The following RAPGEF1 variants were observed in gnomAD, a reference collection of about 807,000 sequenced individuals.
The protein encoded by RAPGEF1 is Rap guanine nucleotide exchange factor 1.
RAPGEF1 carries 33 observed loss-of-function variants against 143.3 expected under a neutral mutation model. The ratio of observed to expected loss-of-function variants is 0.23; its 90% CI spans 0.17 to 0.31. The LOEUF (loss-of-function observed/expected upper bound fraction) is 0.31, where lower values mean the gene tolerates loss of function less well. RAPGEF1 is among the 10% of genes least tolerant of loss of function. The probability of loss-of-function intolerance (pLI) is 1.00; values close to 1 mark genes in which losing one functional copy is unlikely to be tolerated. For synonymous variants in RAPGEF1, 629 were observed against 676.5 expected (o/e 0.93, Z 1.09); for missense variants, 1,199 against 1,645.4 (o/e 0.73, Z 4.69).
intron 3 of RAPGEF1, among the ~76,000 whole-genome samples, chr9:131,648,964 G>A (rs1355863901): frequency 6.6e-6 from 1 of 152,118 alleles, no homozygotes; most frequent in East Asian, 1.9e-4. Context: ...TTATACTTTG[G>A]ATAATCACTA....
At chr9:131,682,679 G>A (rs572922602) in intron 1 of RAPGEF1, among the ~76,000 whole-genome samples, 1 of 152,198 alleles carries the variant, frequency 6.6e-6, no homozygotes, top group East Asian at 1.9e-4. Context: ...GGGGGAATGG[G>A]GAAAAGTGAA....
intron 1 of RAPGEF1, among the ~76,000 whole-genome samples, chr9:131,680,670 G>A (rs1007414106): frequency 5.3e-5 from 8 of 152,174 alleles, no homozygotes; most frequent in Non-Finnish European, 1.2e-4. Context: ...TTTCCCATAA[G>A]GGATACCTTT....
intron 1 of RAPGEF1, among the ~76,000 whole-genome samples, chr9:131,734,128 G>C (rs1161606474): frequency 6.6e-6 from 1 of 152,066 alleles, no homozygotes; most frequent in Non-Finnish European, 1.5e-5. Context: ...TCAGAAAAGA[G>C]ATTGAGAAGC....
chr9:131,629,296 G>A (rs1964200280), intron 6 of RAPGEF1, 42 bp from the exon 7 acceptor site: 3 of 1,579,628 alleles, frequency 1.9e-6, no homozygotes, highest in East Asian at 2.2e-5. Context: ...AAGGTCAAAG[G>A]CGGGACAGAG....
rs374381330 is a variant in RAPGEF1 at position 131,709,730 on chromosome 9, C to T, written c.61+30040G>A. On this transcript the variant is annotated intron_variant, in intron 1 of 26. Coordinates refer to ENST00000683357, the MANE Select transcript of RAPGEF1 (RefSeq NM_001377935.1). The stretch of plus-strand genomic sequence containing the variant: ...GCCCTTCCCAGCCCCAGCGTCTTTC[C>T]GGAGCAGCAACTGAGGACCGAGTCA... 8.1e-5 allele frequency: 131 copies of T among 1,612,960 alleles called. No homozygotes were observed. In the African/African-American group the frequency reaches 1.0e-3, roughly 12 times the overall value.
chr9:131,603,255 G>A (rs1260737039), intron 14 of RAPGEF1, among the ~76,000 whole-genome samples: 3 of 152,224 alleles, frequency 2.0e-5, no homozygotes, highest in African/African-American at 7.2e-5. Context: ...GCCCTCATGG[G>A]CCTCCCTTCA....
intron 1 of RAPGEF1, among the ~76,000 whole-genome samples, chr9:131,669,928 C>G (rs1047038484): frequency 6.6e-6 from 1 of 152,082 alleles, no homozygotes; most frequent in East Asian, 1.9e-4. Flanking sequence ...AAGGCCCTGC[C>G]CACGTGGAGC....
intron 12 of RAPGEF1, among the ~76,000 whole-genome samples, chr9:131,608,898 C>T (rs547323151): frequency 2.0e-5 from 3 of 152,206 alleles, no homozygotes; most frequent in African/African-American, 2.4e-5. Context: ...AAAGGCAGGG[C>T]GGGCCATTCC....
chr9:131,650,208 G>A lies in RAPGEF1; in HGVS notation c.236C>T (p.Pro79Leu), dbSNP rs1408632806. The change falls in exon 3 of 27, where the codon CCT becomes CTT. Residue 79 changes from proline to leucine, a missense_variant. By Grantham distance (98) the Pro-to-Leu change is moderately conservative. Transcript: ENST00000683357. This position sits in a 1 kb window ranked among gnomAD's most constrained non-coding sequence, Gnocchi z 4.7. ...ATDRFLPEGY[P>L]LPLDLEQQAV... is the part of the protein sequence containing the mutation. ...CTGCTGCTCCAGATCCAAGGGGAGA[G>A]GGTAGCCCTCTGGTAGAAATCTGTC... 6.2e-7 allele frequency: 1 copy of A among 1,613,752 alleles called. No homozygotes were observed. The highest frequency in any genetic ancestry group is 1.3e-5 in the African/African-American group (1 of 74,934).
rs542380371 is a variant in RAPGEF1, at chr9:131,698,997, C to T, written c.61+40773G>A. 1.6e-3 allele frequency among the ~76,000 whole-genome samples: 239 copies of T among 152,326 alleles called. 2 individuals carry two copies. The highest frequency in any genetic ancestry group is 5.6e-3 in the African/African-American group (232 of 41,570). ...TGATAATCAGGACTTCTCTCTCGTC[C>T]GGCAATTCTCCTGGTCTTGAGCGAT... On this transcript the variant is annotated intron_variant, in intron 1 of 26. Transcript: ENST00000683357.
At position 131,615,151 on chromosome 9, in the gene RAPGEF1, C is replaced by T. The variant is rs551194382; in HGVS notation, c.2061+3900G>A. Among the ~76,000 whole-genome samples the T allele has an allele frequency of 6.6e-5, 10 of 152,382 alleles. No individual in the cohort carries two copies. The East Asian group carries it at 1.3e-3, about 21-fold the overall frequency. ...GCAGTGGCGCGATCTCCACTCACCGCAAGCTCCGCCTCCTGGGTTCACGCC... is the reference window on the plus strand; with the variant it reads ...GCAGTGGCGCGATCTCCACTCACCGTAAGCTCCGCCTCCTGGGTTCACGCC... On this transcript the variant is annotated intron_variant, in intron 12 of 26. Transcript: ENST00000683357.
At chr9:131,617,665 C>G (rs911897898) in intron 12 of RAPGEF1, among the ~76,000 whole-genome samples, 3 of 152,178 alleles carry the variant, frequency 2.0e-5, no homozygotes, top group African/African-American at 7.2e-5. Flanking sequence ...AGAGCAAGAA[C>G]AGTAATAAGC....
At chr9:131,613,364 C>G (rs186834508) in intron 12 of RAPGEF1, among the ~76,000 whole-genome samples, 60 of 152,182 alleles carry the variant, frequency 3.9e-4, no homozygotes, top group Non-Finnish European at 7.5e-4. Flanking sequence ...TGGGGAGAAG[C>G]AGTGTGAGGG....
At chr9:131,726,628 G>GA (rs71374125) in intron 1 of RAPGEF1, among the ~76,000 whole-genome samples, 41,689 of 101,358 alleles carry the variant, frequency 0.41, 5,819 homozygotes, top group Non-Finnish European at 0.46. Flanking sequence ...TCTGTCTCAA[G>GA]AAAAAAAAAA....
chr9:131,731,597 T>C (rs1837079027), intron 1 of RAPGEF1, among the ~76,000 whole-genome samples: 1 of 152,120 alleles, frequency 6.6e-6, no homozygotes, highest in Non-Finnish European at 1.5e-5. Flanking sequence ...AACAATACAG[T>C]GTGTGGCTGG....
chr9:131,725,690 T>G (rs936224903), intron 1 of RAPGEF1, among the ~76,000 whole-genome samples: 6 of 152,168 alleles, frequency 3.9e-5, no homozygotes, highest in Admixed American at 6.5e-5. Context: ...GATGTGTTTA[T>G]TAGCCATTTG....
At chr9:131,595,021 C>T (rs930247114) in intron 17 of RAPGEF1, among the ~76,000 whole-genome samples, 1 of 152,256 alleles carries the variant, frequency 6.6e-6, no homozygotes, top group Non-Finnish European at 1.5e-5. Context: ...CTGCACTCGG[C>T]GCTCAGGATG....
At position 131,675,968 on chromosome 9, in the gene RAPGEF1, C is replaced by T. The variant is rs977877820; in HGVS notation, c.62-25019G>A. ...CCAGGCTGGAGTGTAGTGGCATGGT[C>T]GTAGCTCACTACAGCCTTGAACTCC... On this transcript the variant is annotated intron_variant, in intron 1 of 26. Coordinates refer to ENST00000683357, the MANE Select transcript of RAPGEF1 (RefSeq NM_001377935.1). This position sits in a 1 kb window ranked among gnomAD's most constrained non-coding sequence, Gnocchi z 4.6. Among the ~76,000 whole-genome samples the T allele has an allele frequency of 4.0e-5, 6 of 150,898 alleles. No homozygotes were observed. Among genetic ancestry groups the T allele is most frequent in the Non-Finnish European group, 8.8e-5 (6 of 67,890 alleles).
chr9:131,711,960 T>C (rs1835538563), intron 1 of RAPGEF1, among the ~76,000 whole-genome samples: 2 of 152,202 alleles, frequency 1.3e-5, no homozygotes, highest in Non-Finnish European at 2.9e-5. Context: ...TTCCAATTTA[T>C]GCAAAACAGA....
Sources: allele counts gnomAD v4.1 joint callset (sites outside exome capture counted in the v4.1 genomes callset), GRCh38; gene constraint gnomAD v4.1.1; non-coding constraint Gnocchi (gnomAD v3.1); transcripts MANE v1.5; gene names NCBI Gene and HGNC (gene_info 2026-07-23, HGNC 2026-07-21).